CYP27C1: variants seen among roughly 807,000 people sequenced by gnomAD.
The protein encoded by CYP27C1 is cytochrome P450 27C1.
CYP27C1 carries 29 observed loss-of-function variants against 40.6 expected under a neutral mutation model. The ratio of observed to expected loss-of-function variants is 0.71; its 90% CI spans 0.53 to 0.97. The LOEUF is 0.97. CYP27C1 is among the 50% of genes least tolerant of loss of function. The probability of loss-of-function intolerance (pLI) is 0.00; values close to 1 mark genes in which losing one functional copy is unlikely to be tolerated. For synonymous variants in CYP27C1, 198 were observed against 186.8 expected (o/e 1.06, Z -0.49); for missense variants, 390 against 485.8 (o/e 0.80, Z 1.85).
chr2:127,193,440 C>T (rs562457723), intron 7 of CYP27C1, 143 bp from the exon 8 acceptor site: 8 of 873,470 alleles, frequency 9.2e-6, no homozygotes, highest in Non-Finnish European at 1.4e-5. Context: ...AGGATGGCAG[C>T]CGCTCCCCCC....
chr2:127,213,204 G>C (rs1683366706), intron 1 of CYP27C1, among the ~76,000 whole-genome samples: 1 of 151,930 alleles, frequency 6.6e-6, no homozygotes, highest in Admixed American at 6.6e-5. Context: ...CATCCTTATG[G>C]ATAGGAAGAA....
rs1209725945 is a variant in CYP27C1 at position 127,204,599 on chromosome 2, AAG to A, written c.474-1030_474-1029del. Among the ~76,000 whole-genome samples, 12 of 99,844 alleles carry A rather than the reference AAG, an allele frequency of 1.2e-4. 1 individual carries two copies. The highest frequency in any genetic ancestry group is 2.2e-4 in the Non-Finnish European group (11 of 49,086). The allele number at this position is 99,844 out of a possible 152,430, so 65.5% of individuals were successfully genotyped here. On this transcript the variant is annotated intron_variant, in intron 2 of 8. Coordinates refer to ENST00000664447, the MANE Select transcript of CYP27C1 (RefSeq NM_001367502.1). ...AAAGAAAGAAAGAAAGAAAGAAAGA[AAG>A]AAAGAAAGAAAGAAAGAAAGAAAGA...
Position 127,193,310 on chromosome 2 carries a change from G to A in CYP27C1, c.1294-13C>T. 6.2e-7 allele frequency: 1 copy of A among 1,614,004 alleles called. No individual in the cohort carries two copies. The highest frequency in any genetic ancestry group is 8.5e-7 in the Non-Finnish European group (1 of 1,180,002). ...GGGCCAGCTGGGTCTGAGGAAATCA[G>A]GGATGACAGAAAAGGGAAAAGGGGC... On this transcript the variant is annotated splice_polypyrimidine_tract_variant and intron_variant, in intron 7 of 8. Coordinates refer to ENST00000664447, the MANE Select transcript of CYP27C1 (RefSeq NM_001367502.1).
At chr2:127,207,539 G>A (rs972021516) in intron 1 of CYP27C1, among the ~76,000 whole-genome samples, 21 of 152,200 alleles carry the variant, frequency 1.4e-4, no homozygotes, top group Admixed American at 9.2e-4. Context: ...GCATGGCAGT[G>A]TGAGCCTGTA....
chr2:127,189,649 A>C (rs929573327), intron 8 of CYP27C1, among the ~76,000 whole-genome samples: 7 of 151,094 alleles, frequency 4.6e-5, no homozygotes, highest in African/African-American at 1.7e-4. Context: ...GAAAGGCTCC[A>C]CTGTTGCTTC....
chr2:127,189,143 C>A (rs1436326738), intron 8 of CYP27C1, among the ~76,000 whole-genome samples: 1 of 150,040 alleles, frequency 6.7e-6, no homozygotes, highest in African/African-American at 2.5e-5. Context: ...TAAAACTATG[C>A]AGGAGACAAA....
chr2:127,205,632 G>C (rs1242497716), intron 2 of CYP27C1: 1 of 972,176 alleles, frequency 1.0e-6, no homozygotes, highest in Admixed American at 6.2e-5. Flanking sequence ...AAGCCACAAA[G>C]CCCTGCTTCC....
chr2:127,207,880 T>C (rs1683262681), intron 1 of CYP27C1, among the ~76,000 whole-genome samples: 1 of 152,116 alleles, frequency 6.6e-6, no homozygotes, highest in African/African-American at 2.4e-5. Context: ...AGACTTAATA[T>C]TGTTGAGAAA....
intron 5 of CYP27C1, 147 bp downstream of exon 5, chr2:127,199,229 G>C: frequency 9.9e-7 from 1 of 1,011,784 alleles, no homozygotes. Context: ...AGAGGTTGCA[G>C]TGAGCCGAGA....
At chr2:127,215,119 A>C (rs1253365842) in intron 1 of CYP27C1, among the ~76,000 whole-genome samples, 1 of 105,324 alleles carries the variant, frequency 9.5e-6, no homozygotes, top group South Asian at 3.2e-4. Flanking sequence ...ACAGAGTGAG[A>C]CTCCATCTCA....
At chr2:127,197,170 T>G (rs1682922978) in intron 5 of CYP27C1, among the ~76,000 whole-genome samples, 2 of 152,174 alleles carry the variant, frequency 1.3e-5, no homozygotes, top group African/African-American at 4.8e-5. Flanking sequence ...TCTTCACCTT[T>G]CAAGTGGTGT....
Position 127,218,773 on chromosome 2 carries a change from C to G in CYP27C1, c.282+1216G>C, listed in dbSNP as rs1203210840. Among the ~76,000 whole-genome samples, 1 of 152,188 alleles carries G rather than the reference C, an allele frequency of 6.6e-6. No homozygotes were observed. Among genetic ancestry groups the G allele is most frequent in the Non-Finnish European group, 1.5e-5 (1 of 68,022 alleles). On this transcript the variant is annotated intron_variant, in intron 1 of 8. Transcript: ENST00000664447. The surrounding 1 kb of genome is among the most constrained non-coding windows in gnomAD (Gnocchi z 6.0). ...CTGGGTGGGAGGAGAAGGGGGCGTT[C>G]TCGGAAGACACCAAAAGCCCCCATA...
At position 127,186,157 on chromosome 2, in the gene CYP27C1, AT is replaced by A. The variant is rs1682620365; in HGVS notation, c.*1113del. On this transcript the variant is annotated 3_prime_UTR_variant, in exon 9 of 9. Transcript: ENST00000664447. This position sits in a 1 kb window ranked among gnomAD's most constrained non-coding sequence, Gnocchi z 4.5. ...AGGCAACAAAATTTTACGTCATCAT[AT>A]TTCCAGTTCTTATACGTCTGCTCTA... is the stretch of plus-strand genomic sequence containing the variant. The A allele has an allele frequency of 6.6e-6, 1 of 152,094 alleles. No homozygotes were observed. 9.4% of individuals were successfully genotyped at this position (152,094 alleles called of 1,614,324 possible).
At chr2:127,197,999 C>T (rs547878189) in intron 5 of CYP27C1, among the ~76,000 whole-genome samples, 3 of 152,130 alleles carry the variant, frequency 2.0e-5, no homozygotes, top group Admixed American at 6.6e-5. Context: ...GGGGCGGTGC[C>T]GCTGCATCTT....
intron 1 of CYP27C1, among the ~76,000 whole-genome samples, chr2:127,212,404 T>C (rs1465545764): frequency 1.3e-5 from 2 of 152,228 alleles, no homozygotes; most frequent in Non-Finnish European, 2.9e-5. Flanking sequence ...TGAACATTGA[T>C]GCAAAAGTCC....
intron 1 of CYP27C1, among the ~76,000 whole-genome samples, chr2:127,213,674 A>G (rs1396041674): frequency 6.6e-6 from 1 of 152,204 alleles, no homozygotes; most frequent in Admixed American, 6.5e-5. Flanking sequence ...CGCAAGATGA[A>G]TTAAAGACTT....
intron 6 of CYP27C1, among the ~76,000 whole-genome samples, chr2:127,194,941 T>C (rs1403426839): frequency 1.3e-5 from 2 of 152,026 alleles, no homozygotes; most frequent in Non-Finnish European, 2.9e-5. Context: ...GCGATTCTCT[T>C]GCCCCAGCCT....
At chr2:127,204,496 G>A (rs370776278) in intron 2 of CYP27C1, among the ~76,000 whole-genome samples, 3,337 of 62,044 alleles carry the variant, frequency 0.054, 409 homozygotes, top group East Asian at 0.09. Context: ...AAGGAAGGAA[G>A]GAAGGAAGGA....
intron 3 of CYP27C1, among the ~76,000 whole-genome samples, chr2:127,203,065 G>C (rs1683077886): frequency 6.6e-6 from 1 of 152,072 alleles, no homozygotes; most frequent in Non-Finnish European, 1.5e-5. Context: ...CTACTCGGGA[G>C]GCTGAGGCAG....
Sources: allele counts gnomAD v4.1 joint callset (sites outside exome capture counted in the v4.1 genomes callset), GRCh38; gene constraint gnomAD v4.1.1; non-coding constraint Gnocchi (gnomAD v3.1); transcripts MANE v1.5; gene names NCBI Gene and HGNC (gene_info 2026-07-23, HGNC 2026-07-21).